Variants in MACROD2 observed in about 807,000 individuals in gnomAD.
MACROD2 encodes ADP-ribose glycohydrolase MACROD2.
In MACROD2, 36 loss-of-function variants were observed where a neutral mutation model predicts 70.4. The ratio of observed to expected loss-of-function variants is 0.51; its 90% CI spans 0.39 to 0.68. The LOEUF is 0.68. MACROD2 is among the 30% of genes least tolerant of loss of function. MACROD2 has a pLI of 0.00. For missense variants in MACROD2, 496 were observed against 538.4 expected, an observed-to-expected ratio of 0.92 and a Z score of 0.78; for synonymous variants, 172 against 178.8, an observed-to-expected ratio of 0.96 and a Z score of 0.30.
chr20:14,954,524 A>T (rs1425389681), intron 5 of MACROD2, among the ~76,000 whole-genome samples: 2 of 139,898 alleles, frequency 1.4e-5, no homozygotes, highest in East Asian at 4.0e-4. Context: ...AATTAATATT[A>T]TATAATTATA....
chr20:14,161,336 C>T (rs749018838), intron 3 of MACROD2, among the ~76,000 whole-genome samples: 1 of 151,328 alleles, frequency 6.6e-6, no homozygotes, highest in South Asian at 2.1e-4. Context: ...TATAGGTGCA[C>T]GCCACCACAC....
chr20:15,212,705 A>G (rs2076774912), intron 5 of MACROD2, among the ~76,000 whole-genome samples: 1 of 152,200 alleles, frequency 6.6e-6, no homozygotes, highest in Admixed American at 6.5e-5. Context: ...TGACACTCAA[A>G]TATCAGTGAT....
chr20:15,577,143 A>G (rs1366136851), intron 8 of MACROD2, among the ~76,000 whole-genome samples: 1 of 152,206 alleles, frequency 6.6e-6, no homozygotes, highest in African/African-American at 2.4e-5. Context: ...CAAGCAAAAG[A>G]ACATTGAAAA....
At position 14,285,653 on chromosome 20, in the gene MACROD2, T is replaced by G. The variant is rs1413244939; in HGVS notation, c.271+199925T>G. Among the ~76,000 whole-genome samples the G allele has an allele frequency of 1.2e-4, 19 of 152,218 alleles. No homozygotes were observed. The South Asian group carries it at 2.7e-3, about 22-fold the overall frequency. Reference sequence around the variant, plus strand: ...AACTTGAGGACTTTTCTTCCTCCCTTTTTCCTCCATCTCCAGTCCCTCACT... The same window carrying G: ...AACTTGAGGACTTTTCTTCCTCCCTGTTTCCTCCATCTCCAGTCCCTCACT... On this transcript the variant is annotated intron_variant, in intron 3 of 17. Transcript: ENST00000684519.
intron 6 of MACROD2, among the ~76,000 whole-genome samples, chr20:15,270,043 G>A (rs1261688512): frequency 6.6e-6 from 1 of 152,022 alleles, no homozygotes; most frequent in Non-Finnish European, 1.5e-5. Flanking sequence ...CCCCTGAGTT[G>A]GGAGGCACTA....
chr20:15,038,021 A>T (rs1196199979), intron 5 of MACROD2, among the ~76,000 whole-genome samples: 1 of 152,210 alleles, frequency 6.6e-6, no homozygotes, highest in African/African-American at 2.4e-5. Context: ...TACACTGTAT[A>T]CATGTATCAG....
chr20:14,904,056 C>T (rs2073929760), intron 5 of MACROD2, among the ~76,000 whole-genome samples: 1 of 152,160 alleles, frequency 6.6e-6, no homozygotes, highest in African/African-American at 2.4e-5. Context: ...CTGCCTGGTA[C>T]ACATAATCAC....
At chr20:15,456,984 G>T (rs1224816444) in intron 7 of MACROD2, among the ~76,000 whole-genome samples, 1 of 151,110 alleles carries the variant, frequency 6.6e-6, no homozygotes, top group East Asian at 1.9e-4. Context: ...TGTGATCTTG[G>T]CCAGACAGGC....
At chr20:14,345,722 A>G (rs959490077) in intron 3 of MACROD2, among the ~76,000 whole-genome samples, 1 of 151,898 alleles carries the variant, frequency 6.6e-6, no homozygotes, top group East Asian at 1.9e-4. Flanking sequence ...GAGTCACCAC[A>G]CTTGGCCTGA....
chr20:14,238,548 C>T (rs2081898575), intron 3 of MACROD2, among the ~76,000 whole-genome samples: 1 of 152,154 alleles, frequency 6.6e-6, no homozygotes, highest in African/African-American at 2.4e-5. Flanking sequence ...TATTGGAAGT[C>T]CTGGCCAGAA....
intron 3 of MACROD2, among the ~76,000 whole-genome samples, chr20:14,485,694 T>C (rs1600291256): frequency 1.7e-5 from 1 of 57,782 alleles, no homozygotes; most frequent in Non-Finnish European, 2.9e-5. Flanking sequence ...AGAGCAAGAC[T>C]CCGTCTCAAA....
intron 8 of MACROD2, among the ~76,000 whole-genome samples, chr20:15,575,523 A>G (rs2048434985): frequency 6.6e-6 from 1 of 152,198 alleles, no homozygotes; most frequent in Admixed American, 6.6e-5. Flanking sequence ...GGCAGAAAGG[A>G]GAAATGATGG....
chr20:15,678,793 GT>G (rs1006205971), intron 8 of MACROD2, among the ~76,000 whole-genome samples: 2 of 121,206 alleles, frequency 1.7e-5, no homozygotes, highest in East Asian at 3.0e-4. Flanking sequence ...ACAGTGGTGT[GT>G]TGGGAAACTG....
chr20:15,832,165 A>G (rs2064063420), intron 8 of MACROD2, among the ~76,000 whole-genome samples: 2 of 152,160 alleles, frequency 1.3e-5, no homozygotes, highest in African/African-American at 2.4e-5. Context: ...AATATGTTGC[A>G]TTTTAATTTT....
Position 15,043,587 on chromosome 20 carries a change from T to C in MACROD2, c.419-186353T>C, listed in dbSNP as rs574124796. ...GGGCCTTCAGATCTTCCTTTACTTA[T>C]CGCCTCTTCCCTTTTCTCTTTCCCC... On this transcript the variant is annotated intron_variant, in intron 5 of 17. Transcript: ENST00000684519. 1.7e-4 allele frequency among the ~76,000 whole-genome samples: 26 copies of C among 152,334 alleles called. 1 individual carries two copies. Among genetic ancestry groups the C allele is most frequent in the East Asian group, 7.7e-4 (4 of 5,170 alleles).
At chr20:14,996,391 A>G (rs891872486) in intron 5 of MACROD2, among the ~76,000 whole-genome samples, 2 of 152,156 alleles carry the variant, frequency 1.3e-5, no homozygotes, top group Non-Finnish European at 2.9e-5. Flanking sequence ...TAACGTTGAT[A>G]AAGAAAAGCC....
intron 2 of MACROD2, among the ~76,000 whole-genome samples, chr20:14,028,077 TG>T (rs1377709606): frequency 6.6e-6 from 1 of 152,202 alleles, no homozygotes; most frequent in Non-Finnish European, 1.5e-5. Flanking sequence ...AGCTCCTGAC[TG>T]GGGCTGATGC....
At chr20:15,007,250 G>A (rs1010971879) in intron 5 of MACROD2, among the ~76,000 whole-genome samples, 2 of 152,104 alleles carry the variant, frequency 1.3e-5, no homozygotes, top group Non-Finnish European at 1.5e-5. Context: ...TGTAGTCCCA[G>A]CTACTGGGGA....
intron 8 of MACROD2, among the ~76,000 whole-genome samples, chr20:15,531,523 T>C (rs537584574): frequency 5.0e-4 from 76 of 152,256 alleles, no homozygotes; most frequent in Non-Finnish European, 9.6e-4. Context: ...ATATATGAAG[T>C]ACTGAAATAG....
Sources: allele counts gnomAD v4.1 joint callset (sites outside exome capture counted in the v4.1 genomes callset), GRCh38; gene constraint gnomAD v4.1.1; transcripts MANE v1.5; gene names NCBI Gene and HGNC (gene_info 2026-07-23, HGNC 2026-07-21).